BNC2: variants seen among roughly 807,000 people sequenced by gnomAD.
BNC2 encodes the protein basonuclin zinc finger protein 2.
A neutral mutation model predicts 76.3 loss-of-function variants in BNC2; 20 were observed. That is an observed-to-expected ratio of 0.26 (90% confidence interval 0.18 to 0.38). The LOEUF is 0.38. Ranked by LOEUF, BNC2 falls within the 10% of genes least tolerant of loss-of-function variation. BNC2 has a pLI of 1.00. For missense variants in BNC2, 1,382 were observed against 1,399.8 expected (o/e 0.99, Z 0.20); for synonymous variants, 582 against 514.8 (o/e 1.13, Z -1.77).
chr9:16,723,450 T>C (rs1824224433), intron 3 of BNC2, among the ~76,000 whole-genome samples: 1 of 150,556 alleles, frequency 6.6e-6, no homozygotes, highest in Non-Finnish European at 1.5e-5. Flanking sequence ...CTTGTAATAC[T>C]ATATATATAT....
In BNC2 at chr9:16,461,639, C is replaced by G. The variant is rs577703002; in HGVS notation, c.670-24115G>C. Among the ~76,000 whole-genome samples the G allele has an allele frequency of 1.2e-4, 19 of 152,168 alleles. No homozygotes were observed. In the South Asian group the frequency reaches 3.7e-3, roughly 30 times the overall value. On this transcript the variant is annotated intron_variant, in intron 5 of 6. Transcript: ENST00000380672. ...GTTTGTAAGGAGGTTTCGGGTATCACAGGTGCAACTCCCTATCAAGGCACA... is the reference window on the plus strand; with the variant it reads ...GTTTGTAAGGAGGTTTCGGGTATCAGAGGTGCAACTCCCTATCAAGGCACA...
At chr9:16,746,134 A>G (rs1306246171) in intron 1 of BNC2, among the ~76,000 whole-genome samples, 1 of 152,260 alleles carries the variant, frequency 6.6e-6, no homozygotes, top group African/African-American at 2.4e-5. Flanking sequence ...TTTTTCACGA[A>G]TTGGTTCTCC....
At chr9:16,491,033 C>T (rs1285279100) in intron 5 of BNC2, among the ~76,000 whole-genome samples, 1 of 152,132 alleles carries the variant, frequency 6.6e-6, no homozygotes, top group Non-Finnish European at 1.5e-5. Context: ...GAGCACAAGT[C>T]TGGAGGACAG....
chr9:16,668,155 T>C (rs1822356917), intron 3 of BNC2, among the ~76,000 whole-genome samples: 2 of 152,182 alleles, frequency 1.3e-5, no homozygotes, highest in Admixed American at 1.3e-4. Flanking sequence ...GTTTTTCTTC[T>C]AAAGGAAGGA....
At chr9:16,452,292 G>C (rs1297428435) in intron 5 of BNC2, among the ~76,000 whole-genome samples, 2 of 152,126 alleles carry the variant, frequency 1.3e-5, no homozygotes, top group African/African-American at 2.4e-5. Context: ...GTAAATCCCA[G>C]TGTACAAAAA....
chr9:16,507,957 C>G (rs1336456868), intron 5 of BNC2, among the ~76,000 whole-genome samples: 1 of 152,122 alleles, frequency 6.6e-6, no homozygotes, highest in Non-Finnish European at 1.5e-5. Flanking sequence ...TACTTCACTA[C>G]CAATGAGAAT....
intron 1 of BNC2, among the ~76,000 whole-genome samples, chr9:16,870,225 C>A (rs1453468342): frequency 6.6e-6 from 1 of 152,070 alleles, no homozygotes; most frequent in Non-Finnish European, 1.5e-5. Flanking sequence ...CCGTAGGTCC[C>A]AGCCGCCTTC....
rs187106953 is a variant in BNC2 at position 16,651,117 on chromosome 9, T to C, written c.331-68032A>G. On this transcript the variant is annotated intron_variant, in intron 3 of 6. Transcript: ENST00000380672. ...AATAAAGGTAAAGTGTTGTAAGCTA[T>C]GCAAAAAAGAAGGCTTGAATACAGA... 7.2e-3 allele frequency among the ~76,000 whole-genome samples: 1,094 copies of C among 152,270 alleles called. 15 individuals carry two copies. Among genetic ancestry groups the C allele is most frequent in the Middle Eastern group, 0.027 (8 of 294 alleles).
At chr9:16,859,263 C>T (rs1365323583) in intron 1 of BNC2, among the ~76,000 whole-genome samples, 1 of 151,784 alleles carries the variant, frequency 6.6e-6, no homozygotes, top group African/African-American at 2.4e-5. Context: ...GGAATGTAAA[C>T]GATGCTGCCC....
intron 1 of BNC2, among the ~76,000 whole-genome samples, chr9:16,807,868 A>C (rs915009491): frequency 6.6e-6 from 1 of 152,164 alleles, no homozygotes; most frequent in Non-Finnish European, 1.5e-5. Flanking sequence ...TTCCTAACAG[A>C]TAAACTCATA....
rs761522806 is a variant in BNC2 at position 16,437,049 on chromosome 9, G to C, written c.1145C>G (p.Pro382Arg). 6.2e-7 allele frequency: 1 copy of C among 1,614,026 alleles called. No individual in the cohort carries two copies. The highest frequency in any genetic ancestry group is 1.1e-5 in the South Asian group (1 of 91,068). ...SPTPYKNDQTPNRNALTSITN... is the reference protein window; with the variant it reads ...SPTPYKNDQTRNRNALTSITN... ...AATGCTGGTCAGGGCATTTCTATTG[G>C]GTGTTTGATCATTCTTATAAGGTGT... The change falls in exon 6 of 7, where the codon CCC becomes CGC. Residue 382 changes from proline (P) to arginine (R), a missense_variant. Pro to Arg is a moderately radical substitution (Grantham distance 103). Around this residue, in one of 3 missense-constraint regions of BNC2, gnomAD observed 557 missense variants for 540.9 expected, o/e 1.03. Transcript: ENST00000380672.
chr9:16,747,230 A>G (rs933113912), intron 1 of BNC2, among the ~76,000 whole-genome samples: 2 of 152,182 alleles, frequency 1.3e-5, no homozygotes, highest in African/African-American at 2.4e-5. Flanking sequence ...AGATTTGAGA[A>G]ATTTCATGAA....
chr9:16,648,401 T>C (rs991497132), intron 3 of BNC2, among the ~76,000 whole-genome samples: 1 of 152,208 alleles, frequency 6.6e-6, no homozygotes, highest in African/African-American at 2.4e-5. Flanking sequence ...TGCATGGTGA[T>C]AGCAGTGATT....
intron 5 of BNC2, among the ~76,000 whole-genome samples, chr9:16,450,855 T>C (rs1164163572): frequency 6.6e-6 from 1 of 152,210 alleles, no homozygotes; most frequent in Non-Finnish European, 1.5e-5. Context: ...ATGAAAGCAA[T>C]GCAACTTCAA....
At chr9:16,583,483 T>C (rs1000440050) in intron 3 of BNC2, among the ~76,000 whole-genome samples, 10 of 152,180 alleles carry the variant, frequency 6.6e-5, no homozygotes, top group Non-Finnish European at 1.5e-4. Context: ...CAAAATAATA[T>C]TCAAGTGAAA....
chr9:16,700,306 T>G (rs1823471330), intron 3 of BNC2, among the ~76,000 whole-genome samples: 1 of 152,088 alleles, frequency 6.6e-6, no homozygotes, highest in African/African-American at 2.4e-5. Flanking sequence ...CCCAGCGCTT[T>G]GGGAAGCCGA....
At chr9:16,849,214 C>G (rs1305226360) in intron 1 of BNC2, among the ~76,000 whole-genome samples, 2 of 151,874 alleles carry the variant, frequency 1.3e-5, no homozygotes, top group Non-Finnish European at 1.5e-5. Flanking sequence ...TTTTATTTCC[C>G]GAACTCTCAT....
chr9:16,816,826 T>C (rs1586907241), intron 1 of BNC2, among the ~76,000 whole-genome samples: 1 of 152,150 alleles, frequency 6.6e-6, no homozygotes, highest in East Asian at 1.9e-4. Flanking sequence ...ACTTTTCTTA[T>C]CCTATAATTC....
intron 5 of BNC2, among the ~76,000 whole-genome samples, chr9:16,441,596 G>T (rs1327110128): frequency 2.0e-5 from 3 of 152,172 alleles, no homozygotes; most frequent in Non-Finnish European, 4.4e-5. Flanking sequence ...CTTCTGTGAA[G>T]GTAACGACCT....
Sources: gnomAD v4.1 joint callset for allele counts (sites outside exome capture counted in the v4.1 genomes callset) on GRCh38, gnomAD v4.1.1 for gene constraint, gnomAD v4.1.1 regional missense constraint, MANE v1.5 for transcripts, NCBI Gene and HGNC (gene_info 2026-07-23, HGNC 2026-07-21) for gene names.